Variants in PCDHA6 observed in about 807,000 individuals in gnomAD.
PCDHA6 encodes protocadherin alpha 6, also known as protocadherin alpha-6.
A neutral mutation model predicts 60.3 loss-of-function variants in PCDHA6; 55 were observed. The ratio of observed to expected loss-of-function variants is 0.91; its 90% CI spans 0.73 to 1.14. The LOEUF is 1.14. Among genes scored for constraint, PCDHA6 ranks in the 50% most tolerant of loss-of-function variants. PCDHA6 has a pLI of 0.00. For synonymous variants in PCDHA6, 652 were observed against 557.9 expected, an observed-to-expected ratio of 1.17 and a Z score of -2.38; for missense variants, 1,327 against 1,256.5, an observed-to-expected ratio of 1.06 and a Z score of -0.85.
chr5:140,899,485 G>T (rs2067355642), intron 1 of PCDHA6, among the ~76,000 whole-genome samples: 2 of 152,140 alleles, frequency 1.3e-5, no homozygotes, highest in African/African-American at 4.8e-5. Flanking sequence ...TTATATGCTG[G>T]ATTACATTTA....
chr5:140,855,640 A>G (rs555429613), intron 1 of PCDHA6, among the ~76,000 whole-genome samples: 1 of 150,004 alleles, frequency 6.7e-6, no homozygotes, highest in East Asian at 1.9e-4. Context: ...GCTATTGATA[A>G]TCATGTGGTT....
Position 141,004,377 on chromosome 5 carries a change from C to T in PCDHA6, c.2543-5250C>T, listed in dbSNP as rs567018582. Among the ~76,000 whole-genome samples the T allele has an allele frequency of 3.9e-5, 6 of 152,294 alleles. No homozygotes were observed. The South Asian group carries it at 6.2e-4, about 16-fold the overall frequency. ...AGAGACCACACCTTGTTCTGCTCTG[C>T]GGAAGCTGGACATGTGGAGGAGGCA... On this transcript the variant is annotated intron_variant, in intron 3 of 3. Coordinates refer to ENST00000529310, the MANE Select transcript of PCDHA6 (RefSeq NM_018909.4).
chr5:140,830,057 G>A lies in PCDHA6; in HGVS notation c.1966G>A (p.Glu656Lys), dbSNP rs2150180399. 1.9e-6 allele frequency: 3 copies of A among 1,613,632 alleles called. No individual in the cohort carries two copies. Among genetic ancestry groups the A allele is most frequent in the Non-Finnish European group, 2.5e-6 (3 of 1,179,902 alleles). Residue 656 changes from glutamate to lysine, a missense_variant, in exon 1 of 4, where the codon GAG becomes AAG. Coordinates refer to ENST00000529310, the MANE Select transcript of PCDHA6 (RefSeq NM_018909.4). Reference protein sequence around the residue: ...RLLVLVKDHGEPALTATATVL... With the variant: ...RLLVLVKDHGKPALTATATVL... ...GCTGGTGCTGGTGAAAGACCACGGT[G>A]AGCCGGCGCTGACAGCGACGGCCAC...
chr5:140,828,012 A>AT lies in PCDHA6; in HGVS notation c.-78dup, dbSNP rs1259696471. 2.7e-6 allele frequency: 4 copies of AT among 1,508,934 alleles called. No individual in the cohort carries two copies. The highest frequency in any genetic ancestry group is 3.6e-6 in the Non-Finnish European group (4 of 1,126,098). The allele number at this position is 1,508,934 out of a possible 1,614,324, so 93.5% of individuals were successfully genotyped here. A position where few individuals can be genotyped will look rare whatever the true frequency, so the allele number is the denominator to read the frequency against. On this transcript the variant is annotated 5_prime_UTR_variant, in exon 1 of 4. An upstream open reading frame in the 5' UTR loses its in-frame stop. Transcript: ENST00000529310. ...ATGATGGCGGACGCAGAAGAAATGGATTAATAAATTCCGGAACATACAGTA... is the reference window on the plus strand; with the variant it reads ...ATGATGGCGGACGCAGAAGAAATGGATTTAATAAATTCCGGAACATACAGTA...
intron 1 of PCDHA6, chr5:140,865,095 C>T (rs1163378400): frequency 2.0e-5 from 3 of 152,198 alleles, no homozygotes; most frequent in African/African-American, 7.2e-5. Context: ...TTAATAAAGG[C>T]ACTTCCACTT....
rs781790601 is a variant in PCDHA6 at position 140,870,998 on chromosome 5, C to G, written c.2394+40513C>G. The G allele has an allele frequency of 6.2e-6, 10 of 1,613,366 alleles. No individual in the cohort carries two copies. The Admixed American group carries it at 1.7e-4, about 27-fold the overall frequency. On this transcript the variant is annotated intron_variant, in intron 1 of 3. Transcript: ENST00000529310. Reference sequence around the variant, plus strand: ...GGGCTGTACACGGGCGAGATAAGCACAACGCGTGCCCTGGACGAGGCAGAC... The same window carrying G: ...GGGCTGTACACGGGCGAGATAAGCAGAACGCGTGCCCTGGACGAGGCAGAC...
intron 3 of PCDHA6, among the ~76,000 whole-genome samples, chr5:140,999,739 T>C (rs2097873545): frequency 6.6e-6 from 1 of 152,196 alleles, no homozygotes; most frequent in Admixed American, 6.5e-5. Flanking sequence ...AATGTTTGAA[T>C]CTGGGTTCGC....
At chr5:140,892,702 A>G (rs1391662001) in intron 1 of PCDHA6, among the ~76,000 whole-genome samples, 1 of 152,240 alleles carries the variant, frequency 6.6e-6, no homozygotes, top group Admixed American at 6.5e-5. Flanking sequence ...AAATCAGGGT[A>G]ATTAGCATAT....
chr5:140,881,581 T>C (rs782420499), intron 1 of PCDHA6, among the ~76,000 whole-genome samples: 2 of 152,222 alleles, frequency 1.3e-5, no homozygotes, highest in African/African-American at 2.4e-5. Context: ...TCAAGTCACA[T>C]TGAGGGAAAT....
At chr5:140,846,591 G>A (rs1236842497) in intron 1 of PCDHA6, among the ~76,000 whole-genome samples, 3 of 148,580 alleles carry the variant, frequency 2.0e-5, no homozygotes, top group African/African-American at 7.4e-5. Context: ...AGCCAGGATG[G>A]TCTCGATCTC....
At chr5:141,004,602 G>A (rs1345777080) in intron 3 of PCDHA6, among the ~76,000 whole-genome samples, 18 of 152,298 alleles carry the variant, frequency 1.2e-4, no homozygotes, top group African/African-American at 4.1e-4. Flanking sequence ...CAGTGCTTAG[G>A]CCTCATGCAG....
At chr5:140,856,280 C>T in intron 1 of PCDHA6, 1 of 1,598,442 alleles carries the variant, frequency 6.3e-7, no homozygotes, top group Non-Finnish European at 8.6e-7. Context: ...GGAGGTAAAT[C>T]TGCAGAATGG....
intron 1 of PCDHA6, among the ~76,000 whole-genome samples, chr5:140,960,837 G>A (rs1554225051): frequency 6.6e-6 from 1 of 151,456 alleles, no homozygotes; most frequent in African/African-American, 2.5e-5. Flanking sequence ...ACTTGGAACA[G>A]GTTTAATGGC....
At position 140,883,606 on chromosome 5, in the gene PCDHA6, C is replaced by G; in HGVS notation, c.2394+53121C>G. 3 of 1,613,944 alleles carry G rather than the reference C, an allele frequency of 1.9e-6. No homozygotes were observed. In the African/African-American group the frequency reaches 4.0e-5, roughly 22 times the overall value. On this transcript the variant is annotated intron_variant, in intron 1 of 3. Coordinates refer to ENST00000529310, the MANE Select transcript of PCDHA6 (RefSeq NM_018909.4). ...CGGCCAGCGTGTCGGTGGGGGTGGC[C>G]GACGTGAACGACAACGCGCCGGCGT...
In PCDHA6 at chr5:140,862,417, T is replaced by G. The variant is rs77196804; in HGVS notation, c.2394+31932T>G. ...GCTGGTGTCTACCTTCAAAAGGCGCTGCCCAGAAACTATTCGTTGGTACTC... is the reference window on the plus strand; with the variant it reads ...GCTGGTGTCTACCTTCAAAAGGCGCGGCCCAGAAACTATTCGTTGGTACTC... On this transcript the variant is annotated intron_variant, in intron 1 of 3. Coordinates refer to ENST00000529310, the MANE Select transcript of PCDHA6 (RefSeq NM_018909.4). 1.4e-3 allele frequency: 485 copies of G among 351,378 alleles called. 3 individuals are homozygous for G. Among genetic ancestry groups the G allele is most frequent in the African/African-American group, 9.6e-3 (451 of 46,736 alleles). 21.8% of individuals were successfully genotyped at this position (351,378 alleles called of 1,614,324 possible).
intron 1 of PCDHA6, chr5:140,850,022 A>C: frequency 6.3e-7 from 1 of 1,596,794 alleles, no homozygotes; most frequent in Admixed American, 1.7e-5. Context: ...GCTACGTGTC[A>C]GTGCACGCGG....
At chr5:140,927,994 G>C in intron 1 of PCDHA6, 1 of 1,614,180 alleles carries the variant, frequency 6.2e-7, no homozygotes, top group Non-Finnish European at 8.5e-7. Flanking sequence ...AAAGGATGAA[G>C]ACCTCGATTC....
Position 140,846,415 on chromosome 5 carries a change from C to A in PCDHA6, c.2394+15930C>A, listed in dbSNP as rs1440795292. ...TTTGAGACGGAGTCTCGCTCTATCT[C>A]CCAGGCTGGAATGCAGTGGCGCAAT... On this transcript the variant is annotated intron_variant, in intron 1 of 3. Coordinates refer to ENST00000529310, the MANE Select transcript of PCDHA6 (RefSeq NM_018909.4). Among the ~76,000 whole-genome samples the A allele has an allele frequency of 3.7e-5, 5 of 135,678 alleles. 2 individuals carry two copies. Among genetic ancestry groups the A allele is most frequent in the Non-Finnish European group, 7.9e-5 (5 of 62,902 alleles). The allele number at this position is 135,678 out of a possible 152,430, so 89.0% of individuals were successfully genotyped here.
intron 1 of PCDHA6, among the ~76,000 whole-genome samples, chr5:140,959,555 T>A (rs538493851): frequency 1.3e-5 from 2 of 152,118 alleles, no homozygotes; most frequent in African/African-American, 4.8e-5. Flanking sequence ...ATAAATAGAA[T>A]CAGTACTAGA....
Sources: gnomAD v4.1 joint callset for allele counts (sites outside exome capture counted in the v4.1 genomes callset) on GRCh38, gnomAD v4.1.1 for gene constraint, MANE v1.5 for transcripts, NCBI Gene and HGNC (gene_info 2026-07-23, HGNC 2026-07-21) for gene names.